EPHA5: variants seen among roughly 807,000 people sequenced by gnomAD.
EPHA5 encodes EPH receptor A5.
EPHA5 carries 60 observed loss-of-function variants against 105.0 expected under a neutral mutation model. That is an observed-to-expected ratio of 0.57 (90% CI 0.46 to 0.71). EPHA5 has a LOEUF of 0.71. EPHA5 is among the 30% of genes least tolerant of loss of function. The pLI is 0.00. For synonymous variants in EPHA5, 513 were observed against 449.1 expected (o/e 1.14, Z -1.80); for missense variants, 1,218 against 1,274.7 (o/e 0.96, Z 0.68).
chr4:65,542,326 T>C (rs1324334621), intron 3 of EPHA5, among the ~76,000 whole-genome samples: 3 of 151,114 alleles, frequency 2.0e-5, no homozygotes, highest in South Asian at 2.1e-4. Context: ...ATAAAATAGA[T>C]AATCCACTAG....
At chr4:65,492,868 C>T (rs1731548650) in intron 4 of EPHA5, among the ~76,000 whole-genome samples, 1 of 151,938 alleles carries the variant, frequency 6.6e-6, no homozygotes, top group South Asian at 2.1e-4. Flanking sequence ...TTACTATAAA[C>T]TTTAGCTTAT....
intron 8 of EPHA5, among the ~76,000 whole-genome samples, chr4:65,398,280 G>A (rs555182850): frequency 2.6e-5 from 4 of 152,308 alleles, no homozygotes; most frequent in African/African-American, 9.6e-5. Context: ...GCACACTTGG[G>A]GTGGTGCTGA....
intron 3 of EPHA5, among the ~76,000 whole-genome samples, chr4:65,533,292 T>A (rs1014946956): frequency 6.6e-6 from 1 of 152,188 alleles, no homozygotes; most frequent in African/African-American, 2.4e-5. Context: ...ATTTTTGCCA[T>A]ATCTTTACTT....
At chr4:65,588,140 C>A (rs538655963) in intron 3 of EPHA5, among the ~76,000 whole-genome samples, 185 of 152,206 alleles carry the variant, frequency 1.2e-3, no homozygotes, top group African/African-American at 4.1e-3. Flanking sequence ...CAGTGGCTTG[C>A]AGGATGTTGT....
chr4:65,537,009 T>C (rs1460733678), intron 3 of EPHA5, among the ~76,000 whole-genome samples: 1 of 151,806 alleles, frequency 6.6e-6, no homozygotes, highest in Non-Finnish European at 1.5e-5. Context: ...CACACTCTAA[T>C]TGGGTCAGAC....
chr4:65,483,473 A>C (rs1226549277), intron 5 of EPHA5, among the ~76,000 whole-genome samples: 1 of 152,124 alleles, frequency 6.6e-6, no homozygotes, highest in Non-Finnish European at 1.5e-5. Context: ...TTACAGTCCC[A>C]CCAACAGTGT....
Position 65,601,871 on chromosome 4 carries a change from C to T in EPHA5, c.680G>A (p.Arg227His), listed in dbSNP as rs772693559. 2.7e-5 allele frequency: 44 copies of T among 1,613,986 alleles called. No homozygotes were observed. The highest frequency in any genetic ancestry group is 3.2e-5 in the Non-Finnish European group (38 of 1,180,016). ...VGACIALVSV[R>H]VYYKKCPSVV... ...AGAAGGGCATTTTTTATAGTATACA[C>T]GCACAGAAACCAGAGCAATGCAAGC... The change falls in exon 3 of 17, where the codon CGT becomes CAT. Residue 227 changes from arginine to histidine, a missense_variant. Arg to His is a conservative substitution (Grantham distance 29, BLOSUM62 0). Around this residue, in one of 3 missense-constraint regions of EPHA5, gnomAD observed 971 missense variants for 1,013.5 expected, o/e 0.96. Coordinates refer to ENST00000613740, the MANE Select transcript of EPHA5 (RefSeq NM_001281766.3).
chr4:65,413,565 G>T (rs1578057430), intron 7 of EPHA5, among the ~76,000 whole-genome samples: 1 of 151,708 alleles, frequency 6.6e-6, no homozygotes, highest in East Asian at 1.9e-4. Context: ...ATGTAACTTG[G>T]CTTAAAGCAA....
intron 2 of EPHA5, among the ~76,000 whole-genome samples, chr4:65,627,497 A>C (rs777679281): frequency 9.2e-5 from 14 of 152,182 alleles, no homozygotes; most frequent in Non-Finnish European, 4.4e-5. Context: ...TTTGGGAAAT[A>C]GTGAGTATCA....
At position 65,322,844 on chromosome 4, in the gene EPHA5, GTA is replaced by G. The variant is rs921324166; in HGVS notation, c.*1268_*1269del. ...TATATATATTTGTGTGTGTGTATGT[GTA>G]TATATATATATTTGTCATAATTCCA... On this transcript the variant is annotated 3_prime_UTR_variant, in exon 17 of 17. Coordinates refer to ENST00000613740, the MANE Select transcript of EPHA5 (RefSeq NM_001281766.3). 4.5e-4 allele frequency: 102 copies of G among 225,020 alleles called. No homozygotes were observed. The highest frequency in any genetic ancestry group is 6.0e-4 in the Non-Finnish European group (68 of 113,158). 13.9% of individuals were successfully genotyped at this position (225,020 alleles called of 1,614,324 possible). A position where few individuals can be genotyped will look rare whatever the true frequency, so the allele number is the denominator to read the frequency against.
chr4:65,576,775 T>C (rs1004935271), intron 3 of EPHA5, among the ~76,000 whole-genome samples: 7 of 152,196 alleles, frequency 4.6e-5, no homozygotes, highest in African/African-American at 1.7e-4. Flanking sequence ...ACCATATAAC[T>C]CTATTCATCT....
rs574481027 is a variant in EPHA5, at chr4:65,624,839, T to G, written c.246+18524A>C. 7.2e-5 allele frequency among the ~76,000 whole-genome samples: 11 copies of G among 152,318 alleles called. No homozygotes were observed. In the South Asian group the frequency reaches 1.4e-3, roughly 20 times the overall value. ...TGTGTACAAGTCATTTTTCTACTGC[T>G]CAGATTTCTTACCAATAAAGTGGAA... On this transcript the variant is annotated intron_variant, in intron 2 of 16. Coordinates refer to ENST00000613740, the MANE Select transcript of EPHA5 (RefSeq NM_001281766.3).
chr4:65,574,742 A>G (rs1408803138), intron 3 of EPHA5, among the ~76,000 whole-genome samples: 1 of 90,894 alleles, frequency 1.1e-5, no homozygotes, highest in Non-Finnish European at 2.2e-5. Context: ...ATATATATAT[A>G]CATATATATA....
Position 65,324,149 on chromosome 4 carries a change from T to G in EPHA5, c.3016A>C (p.Lys1006Gln). 1 of 1,609,380 alleles carries G rather than the reference T, an allele frequency of 6.2e-7. No homozygotes were observed. Among genetic ancestry groups the G allele is most frequent in the Non-Finnish European group, 8.5e-7 (1 of 1,176,970 alleles). Residue 1006 changes from lysine to glutamine, a missense_variant, in exon 17 of 17, where the codon AAG (lysine) becomes CAG (glutamine). Lys to Gln is a moderately conservative substitution (Grantham distance 53). Transcript: ENST00000613740. ...KKIMNSLQEM[K>Q]VQLVNGMVPL The stretch of plus-strand genomic sequence containing the variant: ...ACCATTCCGTTTACCAGCTGCACCT[T>G]CATTTCTTGAAGGCTGTTCATGATC...
In EPHA5 at chr4:65,487,594, C is replaced by G. The variant is rs1731000275; in HGVS notation, c.1402+2783G>C. Among the ~76,000 whole-genome samples the G allele has an allele frequency of 2.0e-5, 3 of 152,218 alleles. No homozygotes were observed. The South Asian group carries it at 6.2e-4, about 32-fold the overall frequency. ...TTCTGATGGATCAGCTGGCATCATA[C>G]AGAACACTTAAACTGGCTCATTTGG... On this transcript the variant is annotated intron_variant, in intron 5 of 16. Coordinates refer to ENST00000613740, the MANE Select transcript of EPHA5 (RefSeq NM_001281766.3).
Position 65,651,482 on chromosome 4 carries a change from A to T in EPHA5, c.182-8055T>A, listed in dbSNP as rs114534188. ...TTCCATGATGTTAATACTTCCAAAA[A>T]TTGTATTCACAGAATTCTAATGACA... On this transcript the variant is annotated intron_variant, in intron 1 of 16. Transcript: ENST00000613740. 6.5e-3 allele frequency among the ~76,000 whole-genome samples: 997 copies of T among 152,298 alleles called. 7 individuals carry two copies. Among genetic ancestry groups the T allele is most frequent in the Non-Finnish European group, 0.011 (766 of 68,004 alleles).
intron 3 of EPHA5, among the ~76,000 whole-genome samples, chr4:65,552,288 A>G (rs1387218313): frequency 6.6e-6 from 1 of 152,194 alleles, no homozygotes; most frequent in African/African-American, 2.4e-5. Context: ...CACACTTAGC[A>G]ACTGTAAAAT....
At chr4:65,360,917 G>A (rs964828180) in intron 11 of EPHA5, among the ~76,000 whole-genome samples, 1 of 151,490 alleles carries the variant, frequency 6.6e-6, no homozygotes, top group Non-Finnish European at 1.5e-5. Flanking sequence ...CATTGCATAA[G>A]AAGGGTGATA....
At chr4:65,407,184 T>C (rs1436577037) in intron 7 of EPHA5, among the ~76,000 whole-genome samples, 1 of 152,158 alleles carries the variant, frequency 6.6e-6, no homozygotes, top group East Asian at 1.9e-4. Context: ...AAGAAAATTC[T>C]CAAATGCTCA....
Sources: allele counts gnomAD v4.1 joint callset (sites outside exome capture counted in the v4.1 genomes callset), GRCh38; gene constraint gnomAD v4.1.1; regional missense constraint gnomAD v4.1.1; transcripts MANE v1.5; gene names NCBI Gene and HGNC (gene_info 2026-07-23, HGNC 2026-07-21).